Variants in DGKB observed in about 807,000 individuals in gnomAD.
DGKB encodes the protein diacylglycerol kinase beta.
In DGKB, 67 loss-of-function variants were observed where a neutral mutation model predicts 114.3. The observed-to-expected ratio is 0.59, with a 90% CI of 0.48 to 0.72. The LOEUF (loss-of-function observed/expected upper bound fraction) is 0.72, where lower values mean the gene tolerates loss of function less well. Ranked by LOEUF, DGKB falls within the 30% of genes least tolerant of loss-of-function variation. The probability of loss-of-function intolerance (pLI) is 0.00; values close to 1 mark genes in which losing one functional copy is unlikely to be tolerated. For missense variants in DGKB, 907 were observed against 975.2 expected (o/e 0.93, Z 0.93); for synonymous variants, 398 against 323.1 (o/e 1.23, Z -2.49).
At chr7:14,648,926 G>A (rs62445652) in intron 13 of DGKB, among the ~76,000 whole-genome samples, 8,376 of 118,792 alleles carry the variant, frequency 0.071, 552 homozygotes, top group African/African-American at 0.17. Flanking sequence ...GAAATGAAGC[G>A]AGAAGGGAAG....
intron 20 of DGKB, among the ~76,000 whole-genome samples, chr7:14,550,161 G>C (rs1283956235): frequency 6.6e-6 from 1 of 151,908 alleles, no homozygotes; most frequent in East Asian, 1.9e-4. Flanking sequence ...ATTATATTAT[G>C]GATCTGTTTT....
intron 2 of DGKB, among the ~76,000 whole-genome samples, chr7:14,773,031 G>A (rs1837644896): frequency 6.6e-6 from 1 of 152,136 alleles, no homozygotes; most frequent in Non-Finnish European, 1.5e-5. Flanking sequence ...TTTGTTAAGA[G>A]TTAATTCTAT....
chr7:14,346,141 T>C, intron 21 of DGKB, among the ~76,000 whole-genome samples: 1 of 151,760 alleles, frequency 6.6e-6, no homozygotes, highest in Admixed American at 6.6e-5. Flanking sequence ...GTTTTTGTTA[T>C]GGTATTCGAG....
intron 21 of DGKB, among the ~76,000 whole-genome samples, chr7:14,442,151 A>G (rs747315159): frequency 9.2e-5 from 14 of 152,122 alleles, no homozygotes; most frequent in Non-Finnish European, 2.1e-4. Flanking sequence ...TTGCTTTTGA[A>G]AATATCAATG....
At chr7:14,576,145 T>A (rs886081790) in intron 19 of DGKB, among the ~76,000 whole-genome samples, 1 of 152,142 alleles carries the variant, frequency 6.6e-6, no homozygotes, top group Admixed American at 6.6e-5. Flanking sequence ...TTCAGGGTGG[T>A]ATGGCCATAG....
intron 23 of DGKB, among the ~76,000 whole-genome samples, chr7:14,198,044 G>A (rs971700275): frequency 3.9e-5 from 6 of 152,054 alleles, no homozygotes; most frequent in South Asian, 2.1e-4. Context: ...ATGTTTCAGA[G>A]TTGACCTTCA....
At chr7:14,283,846 C>T (rs909713547) in intron 23 of DGKB, among the ~76,000 whole-genome samples, 4 of 151,898 alleles carry the variant, frequency 2.6e-5, no homozygotes, top group Admixed American at 6.6e-5. Context: ...TTCCTTACAC[C>T]TTATACAAAA....
chr7:14,830,112 A>G (rs920219249), intron 2 of DGKB, among the ~76,000 whole-genome samples: 1 of 151,974 alleles, frequency 6.6e-6, no homozygotes, highest in Non-Finnish European at 1.5e-5. Flanking sequence ...TGTGCCCTCC[A>G]GGAAGGTTTA....
Position 14,149,181 on chromosome 7 carries a change from C to T in DGKB, c.2362G>A (p.Gly788Ser), listed in dbSNP as rs34616903. Reference sequence around the variant, plus strand: ...CTTTTGACGAGGGAGCAGAATAAACCGGTTTTTGGAGGCGGGCCCATCAGC... The same window carrying T: ...CTTTTGACGAGGGAGCAGAATAAACTGGTTTTTGGAGGCGGGCCCATCAGC... ...PMLMGPPPKT[G>S]LFCSLVKRTR... The change falls in exon 26 of 26, where the codon GGT becomes AGT. Residue 788 changes from glycine to serine, a missense_variant. Physicochemically the swap from Gly to Ser is moderately conservative, Grantham distance 56 (BLOSUM62 0). Coordinates refer to ENST00000402815, the MANE Select transcript of DGKB (RefSeq NM_001350709.2). 29,124 of 1,613,180 alleles carry T rather than the reference C, an allele frequency of 0.018. 390 individuals are homozygous for T. The highest frequency in any genetic ancestry group is 0.049 in the African/African-American group (3,678 of 74,874).
At chr7:14,547,948 C>A (rs926903000) in intron 20 of DGKB, among the ~76,000 whole-genome samples, 1 of 152,156 alleles carries the variant, frequency 6.6e-6, no homozygotes, top group African/African-American at 2.4e-5. Flanking sequence ...ATTCTAAATT[C>A]TTCAGCACAC....
intron 1 of DGKB, among the ~76,000 whole-genome samples, chr7:14,918,743 A>C (rs1157051626): frequency 6.6e-6 from 1 of 151,968 alleles, no homozygotes; most frequent in Non-Finnish European, 1.5e-5. Flanking sequence ...TCAGCAAGTT[A>C]TTTTCAGATA....
At chr7:14,645,600 A>T (rs1812803412) in intron 13 of DGKB, among the ~76,000 whole-genome samples, 1 of 152,078 alleles carries the variant, frequency 6.6e-6, no homozygotes, top group South Asian at 2.1e-4. Context: ...GAAAAGAATC[A>T]AGTCACATAC....
intron 23 of DGKB, among the ~76,000 whole-genome samples, chr7:14,204,758 G>T (rs1355481678): frequency 6.6e-6 from 1 of 152,002 alleles, no homozygotes; most frequent in African/African-American, 2.4e-5. Flanking sequence ...TTGAAAAAGG[G>T]ATGTTAAAAA....
At position 14,678,758 on chromosome 7, in the gene DGKB, G is replaced by A. The variant is rs906177253; in HGVS notation, c.1035+3795C>T. Among the ~76,000 whole-genome samples, 23 of 151,950 alleles carry A rather than the reference G, an allele frequency of 1.5e-4. 1 individual carries two copies. The highest frequency in any genetic ancestry group is 5.3e-4 in the African/African-American group (22 of 41,416). ...GAAAAGTACCTTCTGTTAGGGAGAT[G>A]AGCCAAGAGATTTTGACTCTAATCT... On this transcript the variant is annotated intron_variant, in intron 12 of 25. Transcript: ENST00000402815.
At chr7:14,926,396 T>C (rs969547181) in intron 1 of DGKB, among the ~76,000 whole-genome samples, 1 of 151,980 alleles carries the variant, frequency 6.6e-6, no homozygotes, top group Non-Finnish European at 1.5e-5. Flanking sequence ...GAATGTTTCA[T>C]TTTTCAAGTC....
chr7:14,435,685 C>G lies in DGKB; in HGVS notation c.1835+42476G>C, dbSNP rs1256405091. 2.0e-5 allele frequency among the ~76,000 whole-genome samples: 3 copies of G among 152,022 alleles called. No homozygotes were observed. The East Asian group carries it at 5.8e-4, about 29-fold the overall frequency. ...TTTGTGCCCATGTCCACATACTCTT[C>G]TAATTTATAGTCTGTTCTTCATGCA... On this transcript the variant is annotated intron_variant, in intron 21 of 25. Transcript: ENST00000402815.
At chr7:14,647,548 T>C (rs1467445548) in intron 13 of DGKB, among the ~76,000 whole-genome samples, 4 of 152,088 alleles carry the variant, frequency 2.6e-5, no homozygotes, top group African/African-American at 9.7e-5. Flanking sequence ...TACAGGCCAA[T>C]ATCCCTGATG....
chr7:14,255,024 T>C (rs760464850), intron 23 of DGKB, among the ~76,000 whole-genome samples: 1 of 152,158 alleles, frequency 6.6e-6, no homozygotes, highest in Non-Finnish European at 1.5e-5. Flanking sequence ...CAATTCATTA[T>C]AGTAACGATA....
Position 14,202,671 on chromosome 7 carries a change from T to A in DGKB, c.2123-24520A>T, listed in dbSNP as rs147019301. On this transcript the variant is annotated intron_variant, in intron 23 of 25. Coordinates refer to ENST00000402815, the MANE Select transcript of DGKB (RefSeq NM_001350709.2). ...AACTGCCTATTAAATGTTTTGTGTT[T>A]TCAAATATTTCTAAAAATGATTACA... Among the ~76,000 whole-genome samples the A allele has an allele frequency of 9.9e-3, 1,501 of 152,094 alleles. 14 individuals carry two copies. The highest frequency in any genetic ancestry group is 0.016 in the Non-Finnish European group (1,105 of 67,936).
Sources: allele counts gnomAD v4.1 joint callset (sites outside exome capture counted in the v4.1 genomes callset), GRCh38; gene constraint gnomAD v4.1.1; transcripts MANE v1.5; gene names NCBI Gene and HGNC (gene_info 2026-07-23, HGNC 2026-07-21).